Variants in LINGO1 observed in about 807,000 individuals in gnomAD.
LINGO1 encodes the protein leucine-rich repeat and immunoglobulin-like domain-containing nogo receptor-interacting protein 1.
In LINGO1, 11 loss-of-function variants were observed where a neutral mutation model predicts 37.3. The observed-to-expected ratio is 0.29, with a 90% CI of 0.19 to 0.49. The LOEUF is 0.49. LINGO1 is among the 20% of genes least tolerant of loss of function. LINGO1 has a pLI of 0.99. For missense variants in LINGO1, 585 were observed against 878.2 expected, an observed-to-expected ratio of 0.67 and a Z score of 4.22; for synonymous variants, 387 against 403.0, an observed-to-expected ratio of 0.96 and a Z score of 0.48.
intron 1 of LINGO1, among the ~76,000 whole-genome samples, chr15:77,782,651 C>T (rs1219087763): frequency 1.3e-5 from 2 of 152,124 alleles, no homozygotes; most frequent in East Asian, 1.9e-4. Context: ...GAACCCGCCC[C>T]GACCAGGACT....
At chr15:77,652,481 A>AGTGTGTGTGTGTGT (rs1490464576) in intron 3 of LINGO1, among the ~76,000 whole-genome samples, 4 of 56,296 alleles carry the variant, frequency 7.1e-5, no homozygotes, top group Non-Finnish European at 1.4e-4. Flanking sequence ...CTGGGGAGGG[A>AGTGTGTGTGTGTGT]GAGTGTGTGT....
chr15:77,698,247 C>G (rs1200142720), upstream of LINGO1, among the ~76,000 whole-genome samples: 2 of 152,230 alleles, frequency 1.3e-5, no homozygotes, highest in African/African-American at 2.4e-5. Flanking sequence ...TCTGTCCAAA[C>G]AGCATCTTTA....
chr15:77,677,826 A>T (rs62009133), intron 2 of LINGO1, among the ~76,000 whole-genome samples: 151,774 of 152,016 alleles, frequency 1, 75,766 homozygotes, highest in Non-Finnish European at 1. Flanking sequence ...TCCTCCCTCC[A>T]CCCTCCTCCC....
intron 3 of LINGO1, among the ~76,000 whole-genome samples, chr15:77,667,339 G>A (rs1241788899): frequency 1.3e-5 from 2 of 152,204 alleles, no homozygotes; most frequent in African/African-American, 4.8e-5. Context: ...GGCTGTGGGT[G>A]CTCGGGCTGA....
At chr15:77,703,712 T>A (rs1453867128) in intron 2 of LINGO1, among the ~76,000 whole-genome samples, 1 of 152,132 alleles carries the variant, frequency 6.6e-6, no homozygotes, top group Admixed American at 6.5e-5. Flanking sequence ...AGAAGCCCGA[T>A]CCTTGGGGTT....
chr15:77,620,112 C>G (rs979784756), intron 1 of LINGO1, among the ~76,000 whole-genome samples: 4 of 152,242 alleles, frequency 2.6e-5, no homozygotes. Flanking sequence ...CTCCTGCCAT[C>G]CTGGCACTGT....
intron 2 of LINGO1, among the ~76,000 whole-genome samples, chr15:77,712,879 G>A (rs1477397701): frequency 7.9e-5 from 12 of 152,108 alleles, no homozygotes; most frequent in South Asian, 2.1e-4. Context: ...TCATCCTCAG[G>A]AATTCAGCTC....
chr15:77,809,654 C>T (rs916754479), intron 1 of LINGO1, among the ~76,000 whole-genome samples: 3 of 152,206 alleles, frequency 2.0e-5, no homozygotes, highest in Non-Finnish European at 4.4e-5. Context: ...AGGACCCGTG[C>T]TGTTTCCTGT....
intron 2 of LINGO1, among the ~76,000 whole-genome samples, chr15:77,713,492 C>T (rs1596145189): frequency 6.9e-6 from 1 of 145,380 alleles, no homozygotes; most frequent in Non-Finnish European, 1.5e-5. Context: ...AGCAGCCAAG[C>T]GGGAGGCGTG....
chr15:77,617,370 A>T (rs971884883), intron 1 of LINGO1, among the ~76,000 whole-genome samples: 4 of 126,064 alleles, frequency 3.2e-5, no homozygotes, highest in Non-Finnish European at 7.7e-5. Context: ...GAGCTGCTCC[A>T]GGGGTGGATC....
chr15:77,776,565 C>T (rs1436569667), intron 1 of LINGO1, among the ~76,000 whole-genome samples: 3 of 68,902 alleles, frequency 4.4e-5, no homozygotes, highest in Non-Finnish European at 9.2e-5. Context: ...AGGGAGCTGA[C>T]TCTGGCAGAG....
chr15:77,733,815 G>A (rs1197848833), intron 2 of LINGO1, among the ~76,000 whole-genome samples: 1 of 152,166 alleles, frequency 6.6e-6, no homozygotes, highest in African/African-American at 2.4e-5. Context: ...AATGACAGGA[G>A]GCTGCACTGG....
intron 1 of LINGO1, among the ~76,000 whole-genome samples, chr15:77,772,003 T>A (rs10851898): frequency 0.2 from 30,158 of 152,260 alleles, 3,684 homozygotes; most frequent in Admixed American, 0.35. Flanking sequence ...ATTTAGAGAC[T>A]GCAGGGAAGA....
chr15:77,794,019 C>A (rs1222740259), intron 2 of LINGO1, among the ~76,000 whole-genome samples: 3 of 152,132 alleles, frequency 2.0e-5, no homozygotes, highest in East Asian at 1.9e-4. Flanking sequence ...TCCTGCCCTG[C>A]GTCAGCTCCC....
At chr15:77,621,328 CA>C in intron 1 of LINGO1, among the ~76,000 whole-genome samples, 1 of 152,332 alleles carries the variant, frequency 6.6e-6, no homozygotes, top group South Asian at 2.1e-4. Flanking sequence ...GTGCTGGGAT[CA>C]CAGGCATGAG....
upstream of LINGO1, among the ~76,000 whole-genome samples, chr15:77,698,955 C>T (rs1022137829): frequency 2.0e-5 from 3 of 152,158 alleles, no homozygotes; most frequent in African/African-American, 7.2e-5. Context: ...CCTTAGGCTG[C>T]TCTGTGCTCA....
At chr15:77,679,703 C>T (rs1324369929) in intron 2 of LINGO1, among the ~76,000 whole-genome samples, 1 of 152,206 alleles carries the variant, frequency 6.6e-6, no homozygotes, top group Non-Finnish European at 1.5e-5. Flanking sequence ...GGTCCTTGGC[C>T]AAGCCCTAAA....
upstream of LINGO1, among the ~76,000 whole-genome samples, chr15:77,699,771 T>TCACCTGCACACAGTAAGCA (rs1567532365): frequency 1.0e-4 from 9 of 89,098 alleles, no homozygotes; most frequent in Non-Finnish European, 1.3e-4. Context: ...ATACTAACCA[T>TCACCTGCACACAGTAAGCA]CATTCCCCCC....
At chr15:77,682,311 T>C (rs2075430201) in intron 2 of LINGO1, among the ~76,000 whole-genome samples, 2 of 151,714 alleles carry the variant, frequency 1.3e-5, no homozygotes, top group African/African-American at 4.9e-5. Context: ...TGTGTGTGTG[T>C]GTAGTGTCTC....
Sources: allele counts gnomAD v4.1 joint callset (sites outside exome capture counted in the v4.1 genomes callset), GRCh38; gene constraint gnomAD v4.1.1; transcripts MANE v1.5; gene names NCBI Gene and HGNC (gene_info 2026-07-23, HGNC 2026-07-21).